The following RAD50 variants were observed in gnomAD, a reference collection of about 807,000 sequenced individuals.
The protein encoded by RAD50 is RAD50 double strand break repair protein.
A neutral mutation model predicts 168.8 loss-of-function variants in RAD50; 132 were observed. The ratio of observed to expected loss-of-function variants is 0.78; its 90% CI spans 0.68 to 0.90. RAD50 has a LOEUF of 0.90. Among genes scored for constraint, RAD50 ranks in the 40% least tolerant of loss-of-function variants. The pLI is 0.00. For synonymous variants in RAD50, 525 were observed against 497.4 expected (o/e 1.06, Z -0.74); for missense variants, 1,347 against 1,534.4 (o/e 0.88, Z 2.04).
At chr5:132,618,326 A>T (rs1751216232) in intron 21 of RAD50, 32 bp downstream of exon 21, 1 of 1,612,512 alleles carries the variant, frequency 6.2e-7, no homozygotes, top group Non-Finnish European at 8.5e-7. Flanking sequence ...TTCTTATTGC[A>T]GTTAATATTA....
intron 13 of RAD50, among the ~76,000 whole-genome samples, chr5:132,599,401 G>A (rs987985173): frequency 1.2e-4 from 19 of 152,224 alleles, no homozygotes; most frequent in African/African-American, 4.1e-4. Flanking sequence ...AGCTCTAACA[G>A]AATGTCAGTG....
intron 2 of RAD50, among the ~76,000 whole-genome samples, chr5:132,568,821 T>C (rs1283398981): frequency 1.3e-5 from 2 of 152,336 alleles, no homozygotes; most frequent in East Asian, 1.9e-4. Context: ...GCTTGCACTA[T>C]AGTAATTGTT....
intron 2 of RAD50, among the ~76,000 whole-genome samples, chr5:132,560,111 CAT>C (rs1273896272): frequency 2.6e-4 from 39 of 152,018 alleles, no homozygotes; most frequent in Admixed American, 1.4e-3. Context: ...TTAGTGGGGT[CAT>C]GTGCCTCTCT....
At chr5:132,596,432 C>A (rs1334021398) in intron 13 of RAD50, among the ~76,000 whole-genome samples, 1 of 152,156 alleles carries the variant, frequency 6.6e-6, no homozygotes, top group Non-Finnish European at 1.5e-5. Flanking sequence ...ACTTTCTGAA[C>A]CCAGCAAAAG....
intron 15 of RAD50, 130 bp from the exon 16 acceptor site, chr5:132,604,676 T>G: frequency 1.3e-6 from 1 of 752,878 alleles, no homozygotes; most frequent in Non-Finnish European, 2.3e-6. Flanking sequence ...ATTGTATTTT[T>G]GTTGCAGTGG....
chr5:132,578,715 G>T (rs1283059368), intron 3 of RAD50, among the ~76,000 whole-genome samples: 2 of 151,550 alleles, frequency 1.3e-5, no homozygotes, highest in Non-Finnish European at 2.9e-5. Flanking sequence ...TTTTAATAGA[G>T]ACAGGGTTTC....
In RAD50 at chr5:132,642,195, C is replaced by A. The variant is rs1060501933; in HGVS notation, c.3770C>A (p.Ser1257Ter). 3 of 1,614,054 alleles carry A rather than the reference C, an allele frequency of 1.9e-6. No individual in the cohort carries two copies. The highest frequency in any genetic ancestry group is 2.5e-6 in the Non-Finnish European group (3 of 1,179,916). ...TGTTGCAGGATAATAAAAAGTCGCT[C>A]ACAGCAGCGTAACTTCCAGCTTCTG... is the stretch of plus-strand genomic sequence containing the variant. ...HALVEIIKSR[S>*]QQRNFQLLVI... The change falls in exon 25 of 25, where the codon TCA becomes TAA. Residue 1257 changes from serine (S) to a stop codon, truncating the protein, a stop_gained. Coordinates refer to ENST00000378823, the MANE Select transcript of RAD50 (RefSeq NM_005732.4). LOFTEE classifies it high-confidence loss of function.
At chr5:132,609,707 G>A (rs952588401) in intron 19 of RAD50, among the ~76,000 whole-genome samples, 4 of 152,248 alleles carry the variant, frequency 2.6e-5, no homozygotes, top group Non-Finnish European at 5.9e-5. Flanking sequence ...ACCTGAACCT[G>A]GGAGGCAGAG....
intron 21 of RAD50, among the ~76,000 whole-genome samples, chr5:132,627,181 T>G (rs1265180554): frequency 6.6e-6 from 1 of 152,148 alleles, no homozygotes; most frequent in Non-Finnish European, 1.5e-5. Context: ...TTTATAACCG[T>G]TAAAAAACTA....
rs73259665 is a variant in RAD50 at position 132,592,868 on chromosome 5, C to G, written c.1793+834C>G. 5.9e-3 allele frequency: 2,777 copies of G among 471,004 alleles called. 76 individuals are homozygous for G. Among genetic ancestry groups the G allele is most frequent in the African/African-American group, 0.05 (2,497 of 50,176 alleles). The allele number at this position is 471,004 out of a possible 1,614,324, so 29.2% of individuals were successfully genotyped here. A position where few individuals can be genotyped will look rare whatever the true frequency, so the allele number is the denominator to read the frequency against. On this transcript the variant is annotated intron_variant, in intron 11 of 24. Transcript: ENST00000378823. ...ATTGAGGAAGTTCTGCTGTTGTCTG[C>G]AGCTGATCTGGAAGCAGTGATTTTG...
intron 2 of RAD50, among the ~76,000 whole-genome samples, chr5:132,569,671 A>G (rs1159771367): frequency 1.3e-5 from 2 of 152,236 alleles, no homozygotes; most frequent in Non-Finnish European, 2.9e-5. Flanking sequence ...GAACGATAGC[A>G]GAATACACTT....
chr5:132,582,847 T>C (rs1345878632), intron 5 of RAD50, among the ~76,000 whole-genome samples: 1 of 152,192 alleles, frequency 6.6e-6, no homozygotes, highest in African/African-American at 2.4e-5. Context: ...AGGTGTGTAC[T>C]CTGGGGATAG....
intron 20 of RAD50, 57 bp from the exon 21 acceptor site, chr5:132,618,013 C>G: frequency 7.2e-7 from 1 of 1,391,832 alleles, no homozygotes; most frequent in South Asian, 1.2e-5. Context: ...GACTTTTCCA[C>G]TTCAGGTTGT....
rs753030058 is a variant in RAD50 at position 132,557,278 on chromosome 5, C to A, written c.-47C>A. ...ACGCCTTGCTTCGGCCTCAGTTAAG[C>A]CTTTGTGGGCTCCAGGTCCCTGGTG... On this transcript the variant is annotated 5_prime_UTR_variant, in exon 1 of 25. Transcript: ENST00000378823. 1 of 1,607,918 alleles carries A rather than the reference C, an allele frequency of 6.2e-7. No homozygotes were observed. The highest frequency in any genetic ancestry group is 8.5e-7 in the Non-Finnish European group (1 of 1,174,270).
intron 3 of RAD50, among the ~76,000 whole-genome samples, chr5:132,578,064 C>T (rs576538404): frequency 9.2e-5 from 14 of 152,294 alleles, no homozygotes; most frequent in Non-Finnish European, 1.9e-4. Context: ...CCGCCCACCT[C>T]AGCCTCCCAA....
intron 13 of RAD50, among the ~76,000 whole-genome samples, chr5:132,598,855 C>G (rs952288628): frequency 6.6e-6 from 1 of 152,184 alleles, no homozygotes; most frequent in African/African-American, 2.4e-5. Context: ...GGTGACACTT[C>G]TTTTTCTGTT....
At chr5:132,570,862 G>A (rs1006767180) in intron 2 of RAD50, among the ~76,000 whole-genome samples, 2 of 152,176 alleles carry the variant, frequency 1.3e-5, no homozygotes, top group Non-Finnish European at 2.9e-5. Flanking sequence ...TTTGGATTTT[G>A]ACATGCTTTT....
rs769773414 is a variant in RAD50, at chr5:132,642,169, T to C, written c.3753-9T>C. The C allele has an allele frequency of 4.3e-6, 7 of 1,611,604 alleles. No homozygotes were observed. In the African/African-American group the frequency reaches 8.0e-5, roughly 18 times the overall value. The stretch of plus-strand genomic sequence containing the variant: ...TTACTAATAATATGTTCTGAATATA[T>C]TGTTGCAGGATAATAAAAAGTCGCT... On this transcript the variant is annotated splice_polypyrimidine_tract_variant and intron_variant, in intron 24 of 24. Coordinates refer to ENST00000378823, the MANE Select transcript of RAD50 (RefSeq NM_005732.4).
At position 132,611,705 on chromosome 5, in the gene RAD50, TAAAAAAAAA is replaced by T. The variant is rs34112186; in HGVS notation, c.3036+2325_3036+2333del. Among the ~76,000 whole-genome samples the T allele has an allele frequency of 5.0e-4, 51 of 102,980 alleles. 1 individual carries two copies. The highest frequency in any genetic ancestry group is 1.6e-3 in the African/African-American group (45 of 27,452). The allele number at this position is 102,980 out of a possible 152,430, so 67.6% of individuals were successfully genotyped here. ...TGGGTGACAGAGCCAGACTCCGTCT[TAAAAAAAAA>T]AAAAAAAAAAAAAAAGTCACAATTA... is the stretch of plus-strand genomic sequence containing the variant. On this transcript the variant is annotated intron_variant, in intron 19 of 24. Coordinates refer to ENST00000378823, the MANE Select transcript of RAD50 (RefSeq NM_005732.4).
Sources: gnomAD v4.1 joint callset for allele counts (sites outside exome capture counted in the v4.1 genomes callset) on GRCh38, gnomAD v4.1.1 for gene constraint, MANE v1.5 for transcripts, NCBI Gene and HGNC (gene_info 2026-07-23, HGNC 2026-07-21) for gene names.